The following LINGO2 variants were observed in gnomAD, a reference collection of about 807,000 sequenced individuals.
LINGO2 encodes leucine rich repeat and Ig domain containing 2, also known as leucine-rich repeat and immunoglobulin-like domain-containing nogo receptor-interacting protein 2.
In LINGO2, 14 loss-of-function variants were observed where a neutral mutation model predicts 30.6. The observed-to-expected ratio is 0.46, with a 90% confidence interval of 0.30 to 0.72. The LOEUF is 0.72. Ranked by LOEUF, LINGO2 falls within the 30% of genes least tolerant of loss-of-function variation. The pLI is 0.07. For synonymous variants in LINGO2, 317 were observed against 288.5 expected (o/e 1.10, Z -1.00); for missense variants, 729 against 751.7 (o/e 0.97, Z 0.35).
At chr9:28,237,407 A>AAT (rs1266296403) in intron 4 of LINGO2, among the ~76,000 whole-genome samples, 2 of 152,176 alleles carry the variant, frequency 1.3e-5, no homozygotes, top group African/African-American at 4.8e-5. Context: ...CAACCAGAAA[A>AAT]GAAATAATAA....
the LINGO2 span, among the ~76,000 whole-genome samples, chr9:28,757,749 G>A: frequency 6.6e-6 from 1 of 151,918 alleles, no homozygotes; most frequent in South Asian, 2.1e-4. Flanking sequence ...AGGGGTGGGA[G>A]GGGTGAGGGA....
chr9:28,655,614 T>C (rs1266611365), intron 1 of LINGO2, among the ~76,000 whole-genome samples: 1 of 152,080 alleles, frequency 6.6e-6, no homozygotes, highest in Non-Finnish European at 1.5e-5. Context: ...TCCCCGCATG[T>C]TATGAGAGGG....
At chr9:28,907,612 T>G in the LINGO2 span, among the ~76,000 whole-genome samples, 1 of 151,686 alleles carries the variant, frequency 6.6e-6, no homozygotes, top group African/African-American at 2.4e-5. Context: ...ATATACAAGA[T>G]GTATGATAGC....
the LINGO2 span, among the ~76,000 whole-genome samples, chr9:29,114,887 G>T: frequency 1.3e-5 from 2 of 152,136 alleles, no homozygotes; most frequent in South Asian, 4.1e-4. Flanking sequence ...CTTTACGGAT[G>T]AACTAAGTGG....
chr9:28,390,919 T>C (rs1821805332), intron 2 of LINGO2, among the ~76,000 whole-genome samples: 1 of 152,032 alleles, frequency 6.6e-6, no homozygotes, highest in Admixed American at 6.6e-5. Context: ...TTAGTAGCAT[T>C]AGTGAAAAAA....
intron 1 of LINGO2, among the ~76,000 whole-genome samples, chr9:28,611,825 A>T (rs1212682384): frequency 2.0e-5 from 3 of 150,496 alleles, no homozygotes; most frequent in Non-Finnish European, 4.4e-5. Flanking sequence ...TTATTTATTT[A>T]TTTATTTTTT....
intron 1 of LINGO2, among the ~76,000 whole-genome samples, chr9:28,617,513 T>C (rs922816144): frequency 2.6e-5 from 4 of 152,080 alleles, no homozygotes; most frequent in African/African-American, 9.7e-5. Flanking sequence ...GTCAGGATGG[T>C]CTCGATCTCC....
At chr9:28,925,739 T>A in the LINGO2 span, among the ~76,000 whole-genome samples, 1 of 152,224 alleles carries the variant, frequency 6.6e-6, no homozygotes. Context: ...TGGTAACTTT[T>A]GAACTTTGTA....
chr9:28,661,640 T>C (rs117243937), intron 1 of LINGO2, among the ~76,000 whole-genome samples: 77 of 152,286 alleles, frequency 5.1e-4, no homozygotes, highest in African/African-American at 1.8e-3. Flanking sequence ...GAAGTGGCCA[T>C]GAATATTTCT....
the LINGO2 span, among the ~76,000 whole-genome samples, chr9:28,721,706 G>T: frequency 3.3e-5 from 5 of 152,014 alleles, no homozygotes; most frequent in South Asian, 1.0e-3. Flanking sequence ...AATACCCAAT[G>T]CATGTGGGGC....
intron 1 of LINGO2, among the ~76,000 whole-genome samples, chr9:28,503,606 C>G (rs1386480489): frequency 6.6e-6 from 1 of 151,810 alleles, no homozygotes; most frequent in Non-Finnish European, 1.5e-5. Context: ...CTTCAGTTTT[C>G]CATAGAGTAA....
intron 1 of LINGO2, among the ~76,000 whole-genome samples, chr9:28,613,466 ATATT>A (rs1192823368): frequency 1.3e-5 from 2 of 149,520 alleles, no homozygotes; most frequent in East Asian, 3.9e-4. Flanking sequence ...TGATATATAT[ATATT>A]TATCTACTAT....
At chr9:28,674,287 A>T (rs767452270), upstream of LINGO2, among the ~76,000 whole-genome samples, 2 of 152,208 alleles carry the variant, frequency 1.3e-5, no homozygotes, top group Non-Finnish European at 2.9e-5. Flanking sequence ...TTAAGGATAA[A>T]CAATACTTTA....
chr9:28,430,109 C>CGTTTGT (rs1554720109), intron 2 of LINGO2, among the ~76,000 whole-genome samples: 1 of 136,100 alleles, frequency 7.3e-6, no homozygotes, highest in Admixed American at 7.2e-5. Flanking sequence ...CGCGCGCGCG[C>CGTTTGT]GTGTGTGTGT....
chr9:28,598,920 C>A (rs1825337126), intron 1 of LINGO2: 1 of 152,106 alleles, frequency 6.6e-6, no homozygotes, highest in Admixed American at 6.6e-5. Flanking sequence ...CCTATAACAT[C>A]TTTTATAAGT....
chr9:28,226,964 G>T (rs541442445), intron 4 of LINGO2, among the ~76,000 whole-genome samples: 3 of 152,256 alleles, frequency 2.0e-5, no homozygotes, highest in African/African-American at 7.2e-5. Flanking sequence ...TAGTTTTCAG[G>T]TATATGTATC....
the LINGO2 span, among the ~76,000 whole-genome samples, chr9:29,161,473 T>C: frequency 6.6e-6 from 1 of 152,198 alleles, no homozygotes; most frequent in Non-Finnish European, 1.5e-5. Context: ...TCTGCACCCC[T>C]AGTATCCTAT....
intron 1 of LINGO2, among the ~76,000 whole-genome samples, chr9:28,507,866 AT>A (rs201283707): frequency 6.6e-6 from 1 of 151,756 alleles, no homozygotes; most frequent in Non-Finnish European, 1.5e-5. Context: ...GTAGGTTTTG[AT>A]TTTTTTTCTA....
At chr9:29,149,976 T>C in the LINGO2 span, among the ~76,000 whole-genome samples, 3 of 152,098 alleles carry the variant, frequency 2.0e-5, no homozygotes, top group Non-Finnish European at 4.4e-5. Flanking sequence ...TGCCAGTTAT[T>C]GAAGGGGGCT....
Sources: gnomAD v4.1 joint callset for allele counts (sites outside exome capture counted in the v4.1 genomes callset) on GRCh38, gnomAD v4.1.1 for gene constraint, MANE v1.5 for transcripts, NCBI Gene and HGNC (gene_info 2026-07-23, HGNC 2026-07-21) for gene names.